The following NLGN1 variants were observed in gnomAD, a reference collection of about 807,000 sequenced individuals.
The protein encoded by NLGN1 is neuroligin-1.
Under a neutral mutation model 65.5 loss-of-function variants are expected in NLGN1, and 12 were observed. The ratio of observed to expected loss-of-function variants is 0.18; its 90% CI spans 0.12 to 0.30. The LOEUF (loss-of-function observed/expected upper bound fraction) is 0.30, where lower values mean the gene tolerates loss of function less well. NLGN1 is among the 10% of genes least tolerant of loss of function. NLGN1 has a pLI of 1.00. For missense variants in NLGN1, 750 were observed against 1,007.1 expected (o/e 0.74, Z 3.46); for synonymous variants, 350 against 359.5 (o/e 0.97, Z 0.30).
chr3:174,207,570 A>G (rs1445336014), intron 4 of NLGN1, among the ~76,000 whole-genome samples: 1 of 152,224 alleles, frequency 6.6e-6, no homozygotes, highest in Non-Finnish European at 1.5e-5. Context: ...CAAAATGTAT[A>G]TGGCTTCTAT....
chr3:173,793,826 T>C (rs925977231), intron 3 of NLGN1, among the ~76,000 whole-genome samples: 3 of 152,128 alleles, frequency 2.0e-5, no homozygotes, highest in Non-Finnish European at 4.4e-5. Context: ...TTTGCCTCTT[T>C]TTGATTCTTG....
rs183002885 is a variant in NLGN1, at chr3:174,067,883, A to G, written c.647-207432A>G. Among the ~76,000 whole-genome samples, 465 of 152,322 alleles carry G rather than the reference A, an allele frequency of 3.1e-3. 4 individuals carry two copies. The highest frequency in any genetic ancestry group is 0.011 in the African/African-American group (445 of 41,588). Reference sequence around the variant, plus strand: ...TGTTCAAGTACAGAGAATTGTCTTGAGAATCAGGACACAGAAGTTTTCTAG... The same window carrying G: ...TGTTCAAGTACAGAGAATTGTCTTGGGAATCAGGACACAGAAGTTTTCTAG... On this transcript the variant is annotated intron_variant, in intron 4 of 6. Transcript: ENST00000457714.
chr3:173,903,000 G>T (rs1737660494), intron 4 of NLGN1, among the ~76,000 whole-genome samples: 1 of 152,088 alleles, frequency 6.6e-6, no homozygotes, highest in South Asian at 2.1e-4. Flanking sequence ...GAATTTGAGG[G>T]CTTACCACCC....
intron 3 of NLGN1, among the ~76,000 whole-genome samples, chr3:173,767,850 C>T (rs577952447): frequency 3.7e-4 from 57 of 152,114 alleles, no homozygotes; most frequent in African/African-American, 1.3e-3. Flanking sequence ...CAAAATTCAA[C>T]AATTAAAAGA....
chr3:173,614,634 G>A (rs1752783949), intron 3 of NLGN1, among the ~76,000 whole-genome samples: 1 of 152,038 alleles, frequency 6.6e-6, no homozygotes, highest in Non-Finnish European at 1.5e-5. Flanking sequence ...AGGTTTCTGA[G>A]CTCCTCCAAG....
intron 4 of NLGN1, among the ~76,000 whole-genome samples, chr3:174,101,515 G>A (rs373677990): frequency 6.6e-6 from 1 of 152,146 alleles, no homozygotes; most frequent in East Asian, 1.9e-4. Context: ...AAGTGCTGGA[G>A]CCATCTCAGC....
intron 3 of NLGN1, among the ~76,000 whole-genome samples, chr3:173,751,690 A>G (rs559400186): frequency 6.6e-6 from 1 of 152,192 alleles, no homozygotes; most frequent in African/African-American, 2.4e-5. Flanking sequence ...AATATCCTTA[A>G]AACAGAATAA....
At chr3:173,411,822 G>A (rs897061816) in intron 1 of NLGN1, among the ~76,000 whole-genome samples, 9 of 151,924 alleles carry the variant, frequency 5.9e-5, no homozygotes, top group Admixed American at 3.9e-4. Context: ...CTGTGGTTGC[G>A]AATAGAAAAA....
chr3:173,823,020 C>A (rs1720626477), intron 4 of NLGN1, among the ~76,000 whole-genome samples: 3 of 151,914 alleles, frequency 2.0e-5, no homozygotes, highest in South Asian at 4.1e-4. Context: ...TAAGACTGTT[C>A]TATATGACTC....
At chr3:173,405,174 G>T (rs1718405052) in intron 1 of NLGN1, among the ~76,000 whole-genome samples, 1 of 151,966 alleles carries the variant, frequency 6.6e-6, no homozygotes, top group Admixed American at 6.6e-5. Context: ...TTTTTGAAGG[G>T]CTCCGCGATT....
At chr3:173,669,932 A>G (rs1762237522) in intron 3 of NLGN1, among the ~76,000 whole-genome samples, 1 of 152,222 alleles carries the variant, frequency 6.6e-6, no homozygotes, top group South Asian at 2.1e-4. Context: ...GTAAGGTTTT[A>G]AAAAATAAAA....
intron 4 of NLGN1, among the ~76,000 whole-genome samples, chr3:173,850,356 A>G (rs954857837): frequency 6.6e-5 from 10 of 152,192 alleles, no homozygotes; most frequent in African/African-American, 2.2e-4. Flanking sequence ...ATAACTACCC[A>G]TAGTGATTCT....
intron 4 of NLGN1, among the ~76,000 whole-genome samples, chr3:174,064,965 A>C (rs7649580): frequency 1.3e-5 from 2 of 151,570 alleles, no homozygotes; most frequent in African/African-American, 4.8e-5. Context: ...ATTAAAAAAT[A>C]TCTTAAAGAA....
chr3:173,977,870 G>A (rs1717859348), intron 4 of NLGN1, among the ~76,000 whole-genome samples: 2 of 152,170 alleles, frequency 1.3e-5, no homozygotes, highest in Non-Finnish European at 2.9e-5. Context: ...TGTGAGCTTG[G>A]ATGAGATCAC....
chr3:173,829,121 G>C (rs1721952337), intron 4 of NLGN1, among the ~76,000 whole-genome samples: 1 of 152,040 alleles, frequency 6.6e-6, no homozygotes, highest in African/African-American at 2.4e-5. Context: ...GCTTGGACCA[G>C]GATGGTGAGC....
chr3:173,772,118 G>T (rs985959172), intron 3 of NLGN1, among the ~76,000 whole-genome samples: 1 of 152,068 alleles, frequency 6.6e-6, no homozygotes, highest in South Asian at 2.1e-4. Context: ...AAAGTAAAAA[G>T]ATTTAAAAGA....
At chr3:174,234,614 G>T (rs1355111293) in intron 4 of NLGN1, among the ~76,000 whole-genome samples, 1 of 152,122 alleles carries the variant, frequency 6.6e-6, no homozygotes, top group Non-Finnish European at 1.5e-5. Context: ...TCTATTGGGA[G>T]ACTGCCTTTT....
intron 4 of NLGN1, among the ~76,000 whole-genome samples, chr3:173,996,028 TTAAAATATCAACAA>T (rs1438598239): frequency 6.6e-6 from 1 of 152,174 alleles, no homozygotes; most frequent in Non-Finnish European, 1.5e-5. Flanking sequence ...TTAGTTTGTT[TTAAAATATCAACAA>T]ATATTTATTG....
intron 2 of NLGN1, among the ~76,000 whole-genome samples, chr3:173,475,607 C>T (rs1034935711): frequency 2.6e-5 from 4 of 152,120 alleles, no homozygotes; most frequent in African/African-American, 9.7e-5. Context: ...TCTTGTCTGC[C>T]AGTGAATCCC....
Sources: gnomAD v4.1 joint callset for allele counts (sites outside exome capture counted in the v4.1 genomes callset) on GRCh38, gnomAD v4.1.1 for gene constraint, MANE v1.5 for transcripts, NCBI Gene and HGNC (gene_info 2026-07-23, HGNC 2026-07-21) for gene names.